The following GRM8 variants were observed in gnomAD, a reference collection of about 807,000 sequenced individuals.
GRM8 encodes glutamate metabotropic receptor 8.
In GRM8, 47 loss-of-function variants were observed where a neutral mutation model predicts 87.2. That is an observed-to-expected ratio of 0.54 (90% CI 0.43 to 0.69). GRM8 has a LOEUF of 0.69. Ranked by LOEUF, GRM8 falls within the 30% of genes least tolerant of loss-of-function variation. GRM8 has a pLI of 0.00. For synonymous variants in GRM8, 396 were observed against 404.5 expected (o/e 0.98, Z 0.25); for missense variants, 1,019 against 1,139.2 (o/e 0.89, Z 1.52).
intron 6 of GRM8, among the ~76,000 whole-genome samples, chr7:126,834,022 T>C (rs576202462): frequency 1.3e-4 from 20 of 152,296 alleles, no homozygotes; most frequent in African/African-American, 4.6e-4. Flanking sequence ...GTGCCTGTGC[T>C]GTGCCTCAAA....
At chr7:126,655,616 C>T (rs1804436625) in intron 7 of GRM8, among the ~76,000 whole-genome samples, 1 of 152,166 alleles carries the variant, frequency 6.6e-6, no homozygotes, top group Admixed American at 6.6e-5. Context: ...CTGATGGATA[C>T]TATCTAGAAA....
At chr7:127,029,530 A>G (rs542816325) in intron 3 of GRM8, among the ~76,000 whole-genome samples, 34 of 152,264 alleles carry the variant, frequency 2.2e-4, no homozygotes, top group Non-Finnish European at 4.0e-4. Context: ...TATTGGGTGC[A>G]TATATATTTA....
At position 126,590,949 on chromosome 7, in the gene GRM8, AAAC is replaced by A. The variant is rs979195732; in HGVS notation, c.1494+18410_1494+18412del. Reference sequence around the variant, plus strand: ...AAGCATAAATTTCACAGGACCAATAAAACAACAACACCATAAATTTTTTTTTTA... The same window carrying A: ...AAGCATAAATTTCACAGGACCAATAAAACAACACCATAAATTTTTTTTTTA... On this transcript the variant is annotated intron_variant, in intron 8 of 10. Transcript: ENST00000339582. 9.2e-5 allele frequency among the ~76,000 whole-genome samples: 14 copies of A among 152,126 alleles called. 1 individual carries two copies. The highest frequency in any genetic ancestry group is 5.8e-4 in the East Asian group (3 of 5,196).
intron 3 of GRM8, among the ~76,000 whole-genome samples, chr7:126,987,339 T>C (rs570334298): frequency 6.6e-6 from 1 of 152,310 alleles, no homozygotes; most frequent in South Asian, 2.1e-4. Context: ...ATGTACCTCC[T>C]GCTCGGCATC....
chr7:126,652,555 G>A (rs1276175992), intron 7 of GRM8, among the ~76,000 whole-genome samples: 1 of 152,184 alleles, frequency 6.6e-6, no homozygotes, highest in Admixed American at 6.5e-5. Context: ...CATCTAATCA[G>A]CTGCCAGCAT....
intron 7 of GRM8, among the ~76,000 whole-genome samples, chr7:126,702,105 C>T (rs1258999409): frequency 1.3e-5 from 2 of 152,216 alleles, no homozygotes; most frequent in East Asian, 1.9e-4. Context: ...TTCAGCAACA[C>T]ATTTGTGCTA....
chr7:126,764,044 T>C (rs1013374107), intron 7 of GRM8, among the ~76,000 whole-genome samples: 1 of 151,968 alleles, frequency 6.6e-6, no homozygotes, highest in Non-Finnish European at 1.5e-5. Context: ...TAATACTATG[T>C]AGAAAAGTCT....
intron 9 of GRM8, among the ~76,000 whole-genome samples, chr7:126,516,374 G>T (rs1812165885): frequency 6.6e-6 from 1 of 151,998 alleles, no homozygotes; most frequent in South Asian, 2.1e-4. Context: ...AACTGAAAAA[G>T]AATTTGTGGG....
chr7:126,931,588 C>T (rs1805775980), intron 3 of GRM8, among the ~76,000 whole-genome samples: 1 of 152,044 alleles, frequency 6.6e-6, no homozygotes, highest in Non-Finnish European at 1.5e-5. Context: ...TTGGAAAATA[C>T]TAGTATTATC....
chr7:126,530,388 A>T (rs973285912), intron 9 of GRM8, among the ~76,000 whole-genome samples: 1 of 152,140 alleles, frequency 6.6e-6, no homozygotes, highest in African/African-American at 2.4e-5. Context: ...CTGACCCCTC[A>T]CCATCTTCCC....
intron 7 of GRM8, among the ~76,000 whole-genome samples, chr7:126,724,984 C>T (rs529300546): frequency 6.6e-6 from 1 of 152,290 alleles, no homozygotes; most frequent in South Asian, 2.1e-4. Context: ...TCTGTGGGAT[C>T]TCTCAGATGA....
intron 9 of GRM8, among the ~76,000 whole-genome samples, chr7:126,515,823 T>C (rs1213891723): frequency 6.6e-6 from 1 of 152,068 alleles, no homozygotes; most frequent in African/African-American, 2.4e-5. Context: ...GTCAGTTGAT[T>C]AGCAGCCTTG....
In GRM8 at chr7:126,782,493, G is replaced by A. The variant is rs74721691; in HGVS notation, c.1157-12428C>T. Among the ~76,000 whole-genome samples, 858 of 152,286 alleles carry A rather than the reference G, an allele frequency of 5.6e-3. 9 individuals carry two copies. Among genetic ancestry groups the A allele is most frequent in the African/African-American group, 0.02 (821 of 41,554 alleles). ...GAAATCACTGAATGAGTTTGCCCAT[G>A]AGGAATTAAAAGCATTGAAGGAATA... On this transcript the variant is annotated intron_variant, in intron 6 of 10. Coordinates refer to ENST00000339582, the MANE Select transcript of GRM8 (RefSeq NM_000845.3).
At chr7:126,768,039 A>C (rs1266277022) in intron 7 of GRM8, among the ~76,000 whole-genome samples, 1 of 151,946 alleles carries the variant, frequency 6.6e-6, no homozygotes, top group Admixed American at 6.6e-5. Context: ...GGCCTATAAG[A>C]CCTCACATGG....
chr7:126,820,482 A>C (rs1003147505), intron 6 of GRM8, among the ~76,000 whole-genome samples: 1 of 152,324 alleles, frequency 6.6e-6, no homozygotes, highest in African/African-American at 2.4e-5. Flanking sequence ...ACCTTTTCTT[A>C]ACAACATCTT....
At chr7:126,804,776 T>C (rs1792491266) in intron 6 of GRM8, among the ~76,000 whole-genome samples, 1 of 152,198 alleles carries the variant, frequency 6.6e-6, no homozygotes, top group Non-Finnish European at 1.5e-5. Flanking sequence ...TAACAAAGGA[T>C]ATGAGATGGA....
intron 3 of GRM8, among the ~76,000 whole-genome samples, chr7:127,014,373 G>A (rs1447163687): frequency 6.6e-6 from 1 of 152,030 alleles, no homozygotes; most frequent in African/African-American, 2.4e-5. Flanking sequence ...GGATATTCAG[G>A]ATGAAGACCT....
intron 2 of GRM8, among the ~76,000 whole-genome samples, chr7:127,179,423 C>T (rs890354897): frequency 6.6e-6 from 1 of 152,088 alleles, no homozygotes; most frequent in African/African-American, 2.4e-5. Context: ...ACTCCACTGA[C>T]AGCACTAGAC....
At chr7:127,080,187 G>C (rs1244728357) in intron 3 of GRM8, among the ~76,000 whole-genome samples, 1 of 152,062 alleles carries the variant, frequency 6.6e-6, no homozygotes, top group Admixed American at 6.6e-5. Context: ...AATGAGAAAG[G>C]TCATCATAAA....
Sources: gnomAD v4.1 joint callset for allele counts (sites outside exome capture counted in the v4.1 genomes callset) on GRCh38, gnomAD v4.1.1 for gene constraint, MANE v1.5 for transcripts, NCBI Gene and HGNC (gene_info 2026-07-23, HGNC 2026-07-21) for gene names.